ARHGEF3: variants seen among roughly 807,000 people sequenced by gnomAD.
ARHGEF3 encodes the protein Rho guanine nucleotide exchange factor 3.
In ARHGEF3, 28 loss-of-function variants were observed where a neutral mutation model predicts 63.2. The observed-to-expected ratio is 0.44, with a 90% CI of 0.33 to 0.61. The LOEUF is 0.61. Among genes scored for constraint, ARHGEF3 ranks in the 20% least tolerant of loss-of-function variants. The pLI is 0.03. For missense variants in ARHGEF3, 533 were observed against 659.3 expected, an observed-to-expected ratio of 0.81 and a Z score of 2.10; for synonymous variants, 266 against 254.2, an observed-to-expected ratio of 1.05 and a Z score of -0.44.
chr3:56,798,383 G>T (rs1230549798), intron 1 of ARHGEF3, among the ~76,000 whole-genome samples: 1 of 152,194 alleles, frequency 6.6e-6, no homozygotes, highest in Admixed American at 6.5e-5. Flanking sequence ...CCACCAAGTT[G>T]TCAGATATAT....
intron 2 of ARHGEF3, among the ~76,000 whole-genome samples, chr3:57,015,620 T>TTA (rs1553806559): frequency 2.5e-4 from 37 of 149,902 alleles, no homozygotes; most frequent in Non-Finnish European, 3.1e-4. Context: ...TTTTTTTTTT[T>TTA]TAGTACAAAC....
At chr3:56,918,730 C>T (rs894574289) in intron 3 of ARHGEF3, among the ~76,000 whole-genome samples, 11 of 152,298 alleles carry the variant, frequency 7.2e-5, no homozygotes, top group African/African-American at 1.2e-4. Flanking sequence ...GCAAGGTCCA[C>T]GTTCATTTTG....
chr3:56,830,565 A>G (rs1349908327), intron 4 of ARHGEF3, among the ~76,000 whole-genome samples: 1 of 152,162 alleles, frequency 6.6e-6, no homozygotes, highest in East Asian at 1.9e-4. Context: ...TGGTTAACCT[A>G]GATCTTAGCA....
chr3:56,832,265 A>G (rs2038957007), intron 4 of ARHGEF3, among the ~76,000 whole-genome samples: 1 of 152,252 alleles, frequency 6.6e-6, no homozygotes, highest in Non-Finnish European at 1.5e-5. Context: ...TATAATAAAT[A>G]CTGATATTCT....
At chr3:56,768,192 G>C (rs1438422867) in intron 2 of ARHGEF3, among the ~76,000 whole-genome samples, 1 of 152,074 alleles carries the variant, frequency 6.6e-6, no homozygotes, top group African/African-American at 2.4e-5. Flanking sequence ...AGAGTAGCTA[G>C]GATTACAGGC....
intron 2 of ARHGEF3, among the ~76,000 whole-genome samples, chr3:57,011,715 C>T (rs1168012298): frequency 6.6e-6 from 1 of 152,206 alleles, no homozygotes; most frequent in Non-Finnish European, 1.5e-5. Flanking sequence ...TATTTACCTG[C>T]TGTGTGACCT....
At chr3:57,060,408 A>C (rs1705158280) in intron 1 of ARHGEF3, 2 of 152,166 alleles carry the variant, frequency 1.3e-5, no homozygotes, top group South Asian at 2.1e-4. Flanking sequence ...AAAAAAGTCT[A>C]GGTTCTGCAG....
At chr3:56,942,018 G>A (rs1699212045) in intron 3 of ARHGEF3, among the ~76,000 whole-genome samples, 1 of 152,182 alleles carries the variant, frequency 6.6e-6, no homozygotes, top group Non-Finnish European at 1.5e-5. Flanking sequence ...GATGATTCTG[G>A]TAGAAGTTTT....
chr3:56,893,431 G>T (rs2041189009), intron 3 of ARHGEF3, among the ~76,000 whole-genome samples: 1 of 152,034 alleles, frequency 6.6e-6, no homozygotes, highest in African/African-American at 2.4e-5. Context: ...CTCCTGCCTT[G>T]GCCTGCCCAA....
intron 1 of ARHGEF3, among the ~76,000 whole-genome samples, chr3:57,037,515 G>A (rs1229986846): frequency 6.6e-6 from 1 of 152,216 alleles, no homozygotes; most frequent in Non-Finnish European, 1.5e-5. Flanking sequence ...CTAGTTCTAG[G>A]TCAGAGCTTT....
intron 2 of ARHGEF3, among the ~76,000 whole-genome samples, chr3:56,973,663 G>C (rs781243342): frequency 1.3e-5 from 2 of 152,118 alleles, no homozygotes; most frequent in Non-Finnish European, 2.9e-5. Context: ...TTCAAAGAGG[G>C]AGACTCTACT....
chr3:56,918,581 C>A (rs1205215041), intron 3 of ARHGEF3, among the ~76,000 whole-genome samples: 3 of 151,960 alleles, frequency 2.0e-5, no homozygotes, highest in Non-Finnish European at 4.4e-5. Flanking sequence ...TGCAAGCCTG[C>A]AAAAAGGAAG....
Position 56,952,321 on chromosome 3 carries a change from A to G in ARHGEF3, c.129+6502T>C, listed in dbSNP as rs540296339. Among the ~76,000 whole-genome samples the G allele has an allele frequency of 1.1e-3, 172 of 152,298 alleles. 2 individuals carry two copies. The South Asian group carries it at 0.022, about 19-fold the overall frequency. On this transcript the variant is annotated intron_variant, in intron 3 of 12. Coordinates refer to the ARHGEF3 transcript ENST00000338458. The stretch of plus-strand genomic sequence containing the variant: ...CCAGCAAGGAAATGAGAACCTCCTG[A>G]CAACCACAAGGAACTGAATTCTTCC...
At chr3:56,953,197 A>T (rs1699889367) in intron 3 of ARHGEF3, among the ~76,000 whole-genome samples, 1 of 152,166 alleles carries the variant, frequency 6.6e-6, no homozygotes, top group African/African-American at 2.4e-5. Context: ...TGGTAAAGCC[A>T]CAATACATAC....
chr3:56,879,033 G>A (rs574330748), intron 4 of ARHGEF3, among the ~76,000 whole-genome samples: 1 of 152,356 alleles, frequency 6.6e-6, no homozygotes, highest in Admixed American at 6.5e-5. Flanking sequence ...AATGCCTGAT[G>A]ATCTGTCACT....
intron 1 of ARHGEF3, chr3:57,035,275 G>T (rs1703904939): frequency 3.4e-6 from 2 of 588,950 alleles, no homozygotes; most frequent in Non-Finnish European, 2.7e-6. Context: ...ATATATCAAG[G>T]GTTACCCAGT....
chr3:57,066,052 A>C (rs1705511272), intron 1 of ARHGEF3, among the ~76,000 whole-genome samples: 5 of 92,368 alleles, frequency 5.4e-5, no homozygotes, highest in Non-Finnish European at 9.0e-5. Context: ...AAAAAAAAAA[A>C]CCCTAAAATG....
At chr3:56,939,503 C>T (rs1699070969) in intron 3 of ARHGEF3, among the ~76,000 whole-genome samples, 1 of 152,144 alleles carries the variant, frequency 6.6e-6, no homozygotes, top group Non-Finnish European at 1.5e-5. Context: ...CTTGGACCAC[C>T]TTCTGTTTAA....
intron 3 of ARHGEF3, among the ~76,000 whole-genome samples, chr3:56,950,712 T>C (rs1456119294): frequency 6.6e-6 from 1 of 152,028 alleles, no homozygotes; most frequent in African/African-American, 2.4e-5. Context: ...ATTGTGGAAG[T>C]CAGTGTGGCG....
Sources: allele counts gnomAD v4.1 joint callset (sites outside exome capture counted in the v4.1 genomes callset), GRCh38; gene constraint gnomAD v4.1.1; transcripts MANE v1.5; gene names NCBI Gene and HGNC (gene_info 2026-07-23, HGNC 2026-07-21).